Variants in CHST9 observed in about 807,000 individuals in gnomAD.
CHST9 encodes the protein GalNAc-4-sulfotransferase 2.
CHST9 carries 41 observed loss-of-function variants against 44.4 expected under a neutral mutation model. The observed-to-expected ratio is 0.92, with a 90% CI of 0.72 to 1.20. The LOEUF (loss-of-function observed/expected upper bound fraction) is 1.20. CHST9 is among the 50% of genes most tolerant of loss of function. The pLI, the probability that CHST9 is intolerant of heterozygous loss-of-function variation, is 0.00. For synonymous variants in CHST9, 171 were observed against 178.4 expected (o/e 0.96, Z 0.33); for missense variants, 504 against 516.5 (o/e 0.98, Z 0.23).
chr18:26,975,526 G>A (rs1007732296), intron 4 of CHST9, among the ~76,000 whole-genome samples: 3 of 151,630 alleles, frequency 2.0e-5, no homozygotes, highest in African/African-American at 7.3e-5. Flanking sequence ...AGAACATGCA[G>A]TATTTGTCTT....
At chr18:27,082,191 G>A (rs1598708139) in intron 2 of CHST9, among the ~76,000 whole-genome samples, 2 of 152,278 alleles carry the variant, frequency 1.3e-5, no homozygotes, top group East Asian at 3.9e-4. Context: ...AAGTTATTTA[G>A]ATAATGAAAA....
chr18:27,069,296 T>C (rs2057814446), intron 2 of CHST9, among the ~76,000 whole-genome samples: 1 of 152,212 alleles, frequency 6.6e-6, no homozygotes, highest in South Asian at 2.1e-4. Context: ...ATGTACCCTA[T>C]AGTTCCTTAA....
chr18:27,056,618 C>G (rs1292899301), intron 2 of CHST9, among the ~76,000 whole-genome samples: 1 of 152,106 alleles, frequency 6.6e-6, no homozygotes, highest in Non-Finnish European at 1.5e-5. Context: ...GAGTGCATAA[C>G]ACAACAATAT....
chr18:26,922,567 T>C (rs1386049898), intron 5 of CHST9, among the ~76,000 whole-genome samples: 1 of 152,170 alleles, frequency 6.6e-6, no homozygotes, highest in Non-Finnish European at 1.5e-5. Context: ...AAAAAAAATA[T>C]GGAAAAATGT....
At chr18:27,084,400 T>A (rs2057989450) in intron 2 of CHST9, among the ~76,000 whole-genome samples, 1 of 151,890 alleles carries the variant, frequency 6.6e-6, no homozygotes, top group African/African-American at 2.4e-5. Flanking sequence ...TAGGAATTTA[T>A]TCATTTCTTG....
At chr18:27,003,589 C>G (rs1023416800) in intron 4 of CHST9, among the ~76,000 whole-genome samples, 7 of 152,108 alleles carry the variant, frequency 4.6e-5, no homozygotes, top group African/African-American at 1.4e-4. Flanking sequence ...TGAAGGTCTT[C>G]CATTTCTCCT....
rs199696457 is a variant in CHST9, at chr18:26,917,114, G to A, written c.477C>T (p.Asn159=). ...ATTTATTATCTTTGACTAAACTTTTGTTTAAAGGGTGAATGTCCACTGGCC... is the reference window on the plus strand; with the variant it reads ...ATTTATTATCTTTGACTAAACTTTTATTTAAAGGGTGAATGTCCACTGGCC... ...MNWPVDIHPL[N]KSLVKDNKWK... The change falls in exon 6 of 6, where the codon AAC becomes AAT. Residue 159 remains asparagine (N), a synonymous_variant. Coordinates refer to ENST00000618847, the MANE Select transcript of CHST9 (RefSeq NM_031422.6). 2.0e-5 allele frequency: 33 copies of A among 1,613,734 alleles called. No homozygotes were observed. Among genetic ancestry groups the A allele is most frequent in the Admixed American group, 3.3e-5 (2 of 59,970 alleles).
chr18:27,092,406 A>T (rs1323885200), intron 2 of CHST9, among the ~76,000 whole-genome samples: 1 of 150,060 alleles, frequency 6.7e-6, no homozygotes, highest in African/African-American at 2.5e-5. Flanking sequence ...TCCTGGATTC[A>T]TTGTTTTTTT....
chr18:27,023,908 C>T (rs932821081), intron 4 of CHST9, among the ~76,000 whole-genome samples: 7 of 152,158 alleles, frequency 4.6e-5, no homozygotes, highest in African/African-American at 1.7e-4. Flanking sequence ...CCCTTGAGGA[C>T]AAGGATCGTG....
intron 4 of CHST9, among the ~76,000 whole-genome samples, chr18:26,986,697 A>G (rs763299051): frequency 6.6e-6 from 1 of 152,144 alleles, no homozygotes; most frequent in Non-Finnish European, 1.5e-5. Flanking sequence ...AACAAAAGAC[A>G]TGTTTTATAC....
chr18:27,068,899 T>C (rs969159241), intron 2 of CHST9, among the ~76,000 whole-genome samples: 17 of 152,228 alleles, frequency 1.1e-4, no homozygotes, highest in African/African-American at 3.6e-4. Flanking sequence ...CCTCACATTT[T>C]TTACTTTGAG....
chr18:27,003,247 CTGA>C (rs1369480967), intron 4 of CHST9, among the ~76,000 whole-genome samples: 1 of 152,018 alleles, frequency 6.6e-6, no homozygotes, highest in Non-Finnish European at 1.5e-5. Flanking sequence ...ACCAGAAAAA[CTGA>C]TGATGTGTAG....
intron 1 of CHST9, among the ~76,000 whole-genome samples, chr18:27,171,221 C>T (rs2058831400): frequency 6.6e-6 from 1 of 152,102 alleles, no homozygotes; most frequent in African/African-American, 2.4e-5. Flanking sequence ...ATCATTAGTC[C>T]CCTTCAAGAA....
rs141007855 is a variant in CHST9, at chr18:26,932,073, A to C, written c.240+12256T>G. Among the ~76,000 whole-genome samples the C allele has an allele frequency of 2.7e-3, 407 of 151,920 alleles. 1 individual carries two copies. Among genetic ancestry groups the C allele is most frequent in the African/African-American group, 9.4e-3 (388 of 41,434 alleles). ...GAGGTAGCCAAATGTGCCGGAGTCA[A>C]CTCTAGTTAGAATGAATGAGGACAT... On this transcript the variant is annotated intron_variant, in intron 5 of 5. Coordinates refer to ENST00000618847, the MANE Select transcript of CHST9 (RefSeq NM_031422.6).
At chr18:27,068,839 T>C (rs1271760034) in intron 2 of CHST9, among the ~76,000 whole-genome samples, 1 of 152,226 alleles carries the variant, frequency 6.6e-6, no homozygotes, top group African/African-American at 2.4e-5. Context: ...GTATGAAGCC[T>C]GTGGCCTGGA....
intron 2 of CHST9, among the ~76,000 whole-genome samples, chr18:27,105,035 C>T (rs1418551232): frequency 6.6e-6 from 1 of 152,054 alleles, no homozygotes; most frequent in African/African-American, 2.4e-5. Context: ...TCTATTTTTT[C>T]AGGTTTTCTC....
intron 3 of CHST9, among the ~76,000 whole-genome samples, chr18:27,039,500 G>C (rs936076562): frequency 9.9e-5 from 15 of 152,108 alleles, no homozygotes; most frequent in African/African-American, 3.1e-4. Context: ...CAGGGACAGA[G>C]GGATGGAAGA....
chr18:27,095,524 A>G (rs1282115256), intron 2 of CHST9, among the ~76,000 whole-genome samples: 8 of 152,238 alleles, frequency 5.3e-5, no homozygotes, highest in Admixed American at 4.6e-4. Flanking sequence ...AGACCCATCC[A>G]TCCTTTGTCT....
At chr18:27,150,953 T>C (rs563902438) in intron 1 of CHST9, among the ~76,000 whole-genome samples, 34 of 152,288 alleles carry the variant, frequency 2.2e-4, no homozygotes, top group African/African-American at 8.2e-4. Flanking sequence ...TGAAAATGTA[T>C]TGTTTCTATC....
Sources: gnomAD v4.1 joint callset for allele counts (sites outside exome capture counted in the v4.1 genomes callset) on GRCh38, gnomAD v4.1.1 for gene constraint, MANE v1.5 for transcripts, NCBI Gene and HGNC (gene_info 2026-07-23, HGNC 2026-07-21) for gene names.